The following DSCAML1 variants were observed in gnomAD, a reference collection of about 807,000 sequenced individuals.
The protein encoded by DSCAML1 is cell adhesion molecule DSCAML1.
In DSCAML1, 38 loss-of-function variants were observed where a neutral mutation model predicts 200.5. That is an observed-to-expected ratio of 0.19 (90% CI 0.15 to 0.25). The LOEUF is 0.25. DSCAML1 is among the 10% of genes least tolerant of loss of function. The pLI, the probability that DSCAML1 is intolerant of heterozygous loss-of-function variation, is 1.00. For synonymous variants in DSCAML1, 1,215 were observed against 1,165.0 expected (o/e 1.04, Z -0.87); for missense variants, 2,223 against 2,858.8 (o/e 0.78, Z 5.07).
rs575410556 is a variant in DSCAML1 at position 117,488,534 on chromosome 11, G to GAC, written c.2360-6374_2360-6373dup. On this transcript the variant is annotated intron_variant, in intron 11 of 32. Transcript: ENST00000651296. ...AGGAGTACAAATCCTGACATGCACA[G>GAC]ACACAGACACACACACACACACCAC... 3.9e-3 allele frequency among the ~76,000 whole-genome samples: 570 copies of GAC among 145,746 alleles called. 7 individuals are homozygous for GAC. The highest frequency in any genetic ancestry group is 0.03 in the South Asian group (134 of 4,496).
chr11:117,485,686 A>G (rs1012952033), intron 11 of DSCAML1, among the ~76,000 whole-genome samples: 4 of 152,224 alleles, frequency 2.6e-5, no homozygotes, highest in African/African-American at 9.6e-5. Context: ...GCTCTTTTTT[A>G]TAGAAACGTG....
chr11:117,651,009 C>T (rs556066533), intron 3 of DSCAML1, among the ~76,000 whole-genome samples: 16 of 152,354 alleles, frequency 1.1e-4, no homozygotes, highest in South Asian at 2.1e-4. Context: ...ATTTGTCTTC[C>T]GTGCCTTTGT....
intron 3 of DSCAML1, among the ~76,000 whole-genome samples, chr11:117,732,065 C>T (rs891081796): frequency 6.6e-6 from 1 of 152,216 alleles, no homozygotes; most frequent in Non-Finnish European, 1.5e-5. Flanking sequence ...ATAGCCCTTA[C>T]TGTCCTCCAG....
chr11:117,684,064 A>T (rs1476944533), intron 3 of DSCAML1, among the ~76,000 whole-genome samples: 2 of 152,158 alleles, frequency 1.3e-5, no homozygotes, highest in African/African-American at 4.8e-5. Flanking sequence ...ACAAGGAATA[A>T]ACTCTTAGGA....
chr11:117,539,369 A>G (rs1007303784), intron 3 of DSCAML1, among the ~76,000 whole-genome samples: 62 of 152,186 alleles, frequency 4.1e-4, no homozygotes, highest in African/African-American at 1.5e-3. Context: ...GTACTTTGGG[A>G]GGCCAAGGAG....
chr11:117,532,368 T>A lies in DSCAML1; in HGVS notation c.658+8A>T. ...CCTGCCCCGTTCTCCCCAGGCCCTC[T>A]CCCCTACCTGTCACAGAGAGGCGTG... On this transcript the variant is annotated splice_region_variant and intron_variant, in intron 4 of 32. Transcript: ENST00000651296. 1 of 1,612,564 alleles carries A rather than the reference T, an allele frequency of 6.2e-7. No homozygotes were observed. The highest frequency in any genetic ancestry group is 8.5e-7 in the Non-Finnish European group (1 of 1,179,256).
At chr11:117,748,424 C>T (rs2054551387) in intron 3 of DSCAML1, among the ~76,000 whole-genome samples, 1 of 152,196 alleles carries the variant, frequency 6.6e-6, no homozygotes, top group Non-Finnish European at 1.5e-5. Context: ...TCTGATGGCA[C>T]TTTAGACATT....
At chr11:117,765,225 C>T (rs535187595) in intron 3 of DSCAML1, among the ~76,000 whole-genome samples, 3 of 152,340 alleles carry the variant, frequency 2.0e-5, no homozygotes, top group Non-Finnish European at 4.4e-5. Flanking sequence ...TGGCTCCAAC[C>T]GGCTTGCTAT....
intron 3 of DSCAML1, among the ~76,000 whole-genome samples, chr11:117,686,721 G>A (rs573951842): frequency 2.0e-5 from 3 of 152,302 alleles, no homozygotes; most frequent in South Asian, 2.1e-4. Flanking sequence ...GCCTGGGAGC[G>A]GGAGAAAGAG....
At chr11:117,617,518 C>A (rs2051832401) in intron 3 of DSCAML1, among the ~76,000 whole-genome samples, 1 of 152,188 alleles carries the variant, frequency 6.6e-6, no homozygotes, top group African/African-American at 2.4e-5. Flanking sequence ...TAATAACTTT[C>A]TCTTAATTGG....
Position 117,432,593 on chromosome 11 carries a change from C to G in DSCAML1, c.5027-89G>C, listed in dbSNP as rs1592563310. On this transcript the variant is annotated intron_variant, in intron 29 of 32. Transcript: ENST00000651296. ...TGACTGAATTTCTCTTTGTCTTTAT[C>G]CAATGTGTTTTTTGTTTGTGGATTT... is the stretch of plus-strand genomic sequence containing the variant. The G allele has an allele frequency of 2.1e-6, 3 of 1,419,644 alleles. No individual in the cohort carries two copies. The East Asian group carries it at 6.9e-5, about 32-fold the overall frequency. The allele number at this position is 1,419,644 out of a possible 1,614,324, so 87.9% of individuals were successfully genotyped here.
At chr11:117,755,900 C>T (rs1290259622) in intron 3 of DSCAML1, among the ~76,000 whole-genome samples, 5 of 152,142 alleles carry the variant, frequency 3.3e-5, no homozygotes, top group Admixed American at 1.3e-4. Flanking sequence ...TCTGGAGTTC[C>T]TGCCATACCC....
intron 20 of DSCAML1, 35 bp downstream of exon 20, chr11:117,450,514 C>A (rs1181003172): frequency 3.1e-6 from 5 of 1,605,242 alleles, no homozygotes; most frequent in Non-Finnish European, 4.3e-6. Flanking sequence ...TCTTTTCTTC[C>A]ATCCCCTTCA....
chr11:117,660,730 G>A (rs146342706), intron 3 of DSCAML1, among the ~76,000 whole-genome samples: 267 of 152,312 alleles, frequency 1.8e-3, no homozygotes, highest in Non-Finnish European at 2.9e-3. Flanking sequence ...CAGGTGCCCT[G>A]TATATGTTAC....
chr11:117,652,965 C>T (rs1186226119), intron 3 of DSCAML1, among the ~76,000 whole-genome samples: 1 of 152,184 alleles, frequency 6.6e-6, no homozygotes, highest in Non-Finnish European at 1.5e-5. Context: ...CTCTCCAATG[C>T]TATTCCTAGG....
intron 3 of DSCAML1, among the ~76,000 whole-genome samples, chr11:117,644,945 G>A (rs1220638802): frequency 1.3e-5 from 2 of 152,200 alleles, no homozygotes; most frequent in Non-Finnish European, 2.9e-5. Context: ...GCACACTCAC[G>A]CTCTGTCCCA....
Position 117,776,775 on chromosome 11 carries a change from C to G in DSCAML1, c.511+16G>C, listed in dbSNP as rs765384355. The G allele has an allele frequency of 6.2e-7, 1 of 1,614,012 alleles. No homozygotes were observed. The highest frequency in any genetic ancestry group is 1.1e-5 in the South Asian group (1 of 91,060). ...GGGAGCACCTCTGTCTGCCGCAGCC[C>G]CGGGACGCTTCTTACCTGGGATGAT... On this transcript the variant is annotated intron_variant, in intron 3 of 32. Transcript: ENST00000651296.
intron 19 of DSCAML1, among the ~76,000 whole-genome samples, chr11:117,457,971 C>T (rs1416499061): frequency 6.6e-6 from 1 of 152,214 alleles, no homozygotes; most frequent in East Asian, 1.9e-4. Context: ...GAGCACTCAC[C>T]TGTGAAACAA....
At chr11:117,790,855 C>T (rs1391136351) in intron 1 of DSCAML1, among the ~76,000 whole-genome samples, 1 of 152,188 alleles carries the variant, frequency 6.6e-6, no homozygotes, top group Non-Finnish European at 1.5e-5. Context: ...ATGTTCTTTC[C>T]AACACACAGA....
Sources: allele counts gnomAD v4.1 joint callset (sites outside exome capture counted in the v4.1 genomes callset), GRCh38; gene constraint gnomAD v4.1.1; transcripts MANE v1.5; gene names NCBI Gene and HGNC (gene_info 2026-07-23, HGNC 2026-07-21).